Variants in DLGAP2 observed in about 807,000 individuals in gnomAD.
DLGAP2 encodes disks large-associated protein 2.
A neutral mutation model predicts 100.3 loss-of-function variants in DLGAP2; 26 were observed. That is an observed-to-expected ratio of 0.26 (90% confidence interval 0.19 to 0.36). The LOEUF is 0.36. DLGAP2 is among the 10% of genes least tolerant of loss of function. The pLI, the probability that DLGAP2 is intolerant of heterozygous loss-of-function variation, is 1.00. For missense variants in DLGAP2, 1,858 were observed against 1,453.2 expected, an observed-to-expected ratio of 1.28 and a Z score of -4.53; for synonymous variants, 886 against 630.1, an observed-to-expected ratio of 1.41 and a Z score of -6.08.
chr8:1,271,798 T>C (rs1585211657), intron 3 of DLGAP2, among the ~76,000 whole-genome samples: 1 of 152,280 alleles, frequency 6.6e-6, no homozygotes, highest in Non-Finnish European at 1.5e-5. Context: ...ATGATTTCTT[T>C]TTAATTTTTA....
chr8:1,355,189 G>A (rs1490359079), intron 3 of DLGAP2, among the ~76,000 whole-genome samples: 5 of 152,256 alleles, frequency 3.3e-5, no homozygotes, highest in African/African-American at 7.2e-5. Context: ...CTGCATGCCC[G>A]TGACAGTGGT....
intron 3 of DLGAP2, among the ~76,000 whole-genome samples, chr8:1,489,505 A>G (rs1488990046): frequency 6.6e-6 from 1 of 152,356 alleles, no homozygotes; most frequent in African/African-American, 2.4e-5. Context: ...ATTCCAGGCC[A>G]TCTCATTCCA....
intron 1 of DLGAP2, among the ~76,000 whole-genome samples, chr8:905,860 C>A (rs181653568): frequency 6.8e-6 from 1 of 146,386 alleles, no homozygotes; most frequent in South Asian, 2.3e-4. Context: ...TGTGACCTCT[C>A]GCGGCCCTTT....
At chr8:1,459,293 A>T (rs981137518) in intron 3 of DLGAP2, among the ~76,000 whole-genome samples, 1 of 142,114 alleles carries the variant, frequency 7.0e-6, no homozygotes, top group African/African-American at 2.6e-5. Flanking sequence ...GTCACCCTAC[A>T]AGACCAGCGT....
At chr8:797,810 G>T (rs942224499) in intron 1 of DLGAP2, among the ~76,000 whole-genome samples, 1 of 152,126 alleles carries the variant, frequency 6.6e-6, no homozygotes, top group East Asian at 1.9e-4. Context: ...GAGTGCAGGG[G>T]TGTGATCTCT....
intron 2 of DLGAP2, among the ~76,000 whole-genome samples, chr8:1,221,054 C>G (rs185415929): frequency 6.6e-6 from 1 of 152,166 alleles, no homozygotes; most frequent in Non-Finnish European, 1.5e-5. Flanking sequence ...GTTTCTTCAG[C>G]TTTCCACTCT....
chr8:868,002 G>A (rs1040433700), intron 1 of DLGAP2, among the ~76,000 whole-genome samples: 1 of 152,180 alleles, frequency 6.6e-6, no homozygotes, highest in South Asian at 2.1e-4. Context: ...ATTCAGCAAT[G>A]GCTTCATCCA....
At chr8:1,198,346 C>A (rs752871495) in intron 2 of DLGAP2, among the ~76,000 whole-genome samples, 17 of 152,202 alleles carry the variant, frequency 1.1e-4, no homozygotes, top group Non-Finnish European at 2.2e-4. Context: ...ACAACAACAG[C>A]TTCGTCGTGG....
intron 3 of DLGAP2, among the ~76,000 whole-genome samples, chr8:1,319,024 G>A (rs935605913): frequency 2.0e-5 from 3 of 147,682 alleles, no homozygotes; most frequent in Non-Finnish European, 3.0e-5. Context: ...GTATCAGTGC[G>A]AGCTCGGTGG....
chr8:782,257 G>C (rs1821712317), intron 1 of DLGAP2, among the ~76,000 whole-genome samples: 1 of 151,808 alleles, frequency 6.6e-6, no homozygotes. Context: ...ACAGAAGAGA[G>C]GGGATTGTCC....
chr8:995,196 T>A (rs1321484678), intron 2 of DLGAP2, among the ~76,000 whole-genome samples: 2 of 152,186 alleles, frequency 1.3e-5, no homozygotes, highest in Non-Finnish European at 2.9e-5. Context: ...AGCAGTATAA[T>A]TTTTTCACAT....
intron 3 of DLGAP2, among the ~76,000 whole-genome samples, chr8:1,389,789 C>T (rs1459496297): frequency 1.3e-5 from 2 of 152,052 alleles, no homozygotes; most frequent in Admixed American, 6.5e-5. Flanking sequence ...CGGGCGGAGA[C>T]CCAGAGCGAG....
chr8:805,535 A>G (rs1314724595), intron 1 of DLGAP2, among the ~76,000 whole-genome samples: 1 of 152,180 alleles, frequency 6.6e-6, no homozygotes, highest in Non-Finnish European at 1.5e-5. Context: ...GCATTTCACA[A>G]TGCCCTTGTG....
intron 1 of DLGAP2, among the ~76,000 whole-genome samples, chr8:902,906 G>C (rs1414016967): frequency 1.4e-5 from 1 of 71,402 alleles, no homozygotes; most frequent in African/African-American, 5.7e-5. Flanking sequence ...GGTGGAACGT[G>C]TGCGGGTGGG....
Position 1,216,909 on chromosome 8 carries a change from G to A in DLGAP2, c.74-41942G>A, listed in dbSNP as rs114074878. 5.9e-3 allele frequency among the ~76,000 whole-genome samples: 894 copies of A among 152,264 alleles called. 7 individuals carry two copies. Among genetic ancestry groups the A allele is most frequent in the African/African-American group, 0.02 (816 of 41,544 alleles). ...GGTGTTTAATCCCCACACAGGTACT[G>A]TTTCTCATTTACAGTGAGACCTGGC... On this transcript the variant is annotated intron_variant, in intron 2 of 14. Coordinates refer to ENST00000637795, the MANE Select transcript of DLGAP2 (RefSeq NM_001346810.2).
chr8:1,601,599 G>A (rs1380743833), intron 6 of DLGAP2, among the ~76,000 whole-genome samples: 1 of 132,650 alleles, frequency 7.5e-6, no homozygotes. Flanking sequence ...GCTTTTTACA[G>A]ACAGATCAGA....
intron 3 of DLGAP2, among the ~76,000 whole-genome samples, chr8:1,365,561 G>A (rs917405691): frequency 2.6e-5 from 4 of 152,122 alleles, no homozygotes; most frequent in East Asian, 1.9e-4. Flanking sequence ...AAGTTTGCTC[G>A]CCGAGATAAA....
chr8:1,654,127 C>G (rs1036938244), intron 8 of DLGAP2, among the ~76,000 whole-genome samples: 1 of 152,154 alleles, frequency 6.6e-6, no homozygotes, highest in Non-Finnish European at 1.5e-5. Flanking sequence ...GTAAAGATTT[C>G]ATTCTGATAC....
rs1026984521 is a variant in DLGAP2 at position 826,877 on chromosome 8, C to A, written c.19-81035C>A. Among the ~76,000 whole-genome samples, 84 of 152,176 alleles carry A rather than the reference C, an allele frequency of 5.5e-4. 7 individuals are homozygous for A. Among genetic ancestry groups the A allele is most frequent in the Non-Finnish European group, 2.9e-5 (2 of 68,036 alleles). On this transcript the variant is annotated intron_variant, in intron 1 of 14. Coordinates refer to ENST00000637795, the MANE Select transcript of DLGAP2 (RefSeq NM_001346810.2). ...GCTTAGGGGTGTGCTCATTTTCCAG[C>A]CTCGCACCAGTCTTTCTCGTGAATG...
Sources: allele counts gnomAD v4.1 joint callset (sites outside exome capture counted in the v4.1 genomes callset), GRCh38; gene constraint gnomAD v4.1.1; transcripts MANE v1.5; gene names NCBI Gene and HGNC (gene_info 2026-07-23, HGNC 2026-07-21).